METTL25: variants seen among roughly 807,000 people sequenced by gnomAD.
The protein encoded by METTL25 is methyltransferase like 25.
A neutral mutation model predicts 71.6 loss-of-function variants in METTL25; 64 were observed. The observed-to-expected ratio is 0.89, with a 90% CI of 0.73 to 1.10. The LOEUF is 1.10. Among genes scored for constraint, METTL25 ranks in the 50% least tolerant of loss-of-function variants. The pLI, the probability that METTL25 is intolerant of heterozygous loss-of-function variation, is 0.00. For synonymous variants in METTL25, 287 were observed against 250.3 expected, an observed-to-expected ratio of 1.15 and a Z score of -1.38; for missense variants, 807 against 707.0, an observed-to-expected ratio of 1.14 and a Z score of -1.60.
At chr12:82,403,683 A>C (rs1886835206) in intron 5 of METTL25, among the ~76,000 whole-genome samples, 1 of 152,232 alleles carries the variant, frequency 6.6e-6, no homozygotes, top group Non-Finnish European at 1.5e-5. Context: ...GCTGATGAGC[A>C]GAGTATGGAG....
At chr12:82,388,700 A>T (rs921526098) in intron 2 of METTL25, 1 of 152,138 alleles carries the variant, frequency 6.6e-6, no homozygotes, top group East Asian at 1.9e-4. Context: ...CCAGTACAAG[A>T]AAGAGTTGAC....
rs111865671 is a variant in METTL25 at position 82,362,206 on chromosome 12, A to G, written c.259+3382A>G. ...TCTTCTTCATTGTTCGTCTAAAAAG[A>G]ACTAGAATAAAATATTTAATTCTCT... On this transcript the variant is annotated intron_variant, in intron 1 of 11. Coordinates refer to ENST00000248306, the MANE Select transcript of METTL25 (RefSeq NM_032230.3). Among the ~76,000 whole-genome samples the G allele has an allele frequency of 3.9e-3, 594 of 152,326 alleles. 3 individuals carry two copies. Among genetic ancestry groups the G allele is most frequent in the African/African-American group, 0.014 (567 of 41,578 alleles).
intron 5 of METTL25, among the ~76,000 whole-genome samples, chr12:82,424,114 T>A (rs1228886490): frequency 6.6e-6 from 1 of 152,156 alleles, no homozygotes; most frequent in Admixed American, 6.5e-5. Context: ...CTACTCACAA[T>A]AGCAAAGACT....
chr12:82,444,119 T>C (rs1890566882), intron 8 of METTL25, among the ~76,000 whole-genome samples: 1 of 152,118 alleles, frequency 6.6e-6, no homozygotes, highest in Admixed American at 6.6e-5. Context: ...ATAAGACTAC[T>C]GTAAGACATA....
chr12:82,434,750 C>G, intron 7 of METTL25, 26 bp downstream of exon 7: 5 of 1,603,184 alleles, frequency 3.1e-6, no homozygotes, highest in Non-Finnish European at 4.3e-6. Context: ...AACTGATGAA[C>G]ACGACAGTTT....
At chr12:82,383,047 G>A (rs945636466) in intron 1 of METTL25, among the ~76,000 whole-genome samples, 1 of 152,030 alleles carries the variant, frequency 6.6e-6, no homozygotes, top group African/African-American at 2.4e-5. Flanking sequence ...TTGTGGAGAG[G>A]GAGGTGTAGA....
intron 9 of METTL25, among the ~76,000 whole-genome samples, chr12:82,463,555 A>C (rs1892036170): frequency 6.6e-6 from 1 of 151,996 alleles, no homozygotes. Flanking sequence ...AGGGATGCAG[A>C]TAGCTCTTTG....
At chr12:82,392,308 A>G (rs1205280995) in intron 3 of METTL25, among the ~76,000 whole-genome samples, 1 of 129,166 alleles carries the variant, frequency 7.7e-6, no homozygotes, top group East Asian at 2.3e-4. Flanking sequence ...TCCTGTGTCC[A>G]TGTTTTCTCA....
chr12:82,450,609 A>G (rs1318408453), intron 8 of METTL25, among the ~76,000 whole-genome samples: 1 of 152,098 alleles, frequency 6.6e-6, no homozygotes, highest in Non-Finnish European at 1.5e-5. Context: ...GCTTCTGTTT[A>G]CCTCAGAAGT....
At chr12:82,432,976 A>G (rs569094686) in intron 6 of METTL25, among the ~76,000 whole-genome samples, 1 of 151,702 alleles carries the variant, frequency 6.6e-6, no homozygotes, top group Admixed American at 6.6e-5. Flanking sequence ...GAGCAATATC[A>G]TTAGCATATG....
chr12:82,470,348 A>G (rs898654405), intron 9 of METTL25, among the ~76,000 whole-genome samples: 1 of 152,176 alleles, frequency 6.6e-6, no homozygotes, highest in African/African-American at 2.4e-5. Flanking sequence ...CTCTGGAAAT[A>G]TGATGCATTC....
chr12:82,399,404 C>A lies in METTL25; in HGVS notation c.1131+10C>A. On this transcript the variant is annotated intron_variant, in intron 4 of 11. Transcript: ENST00000248306. Reference sequence around the variant, plus strand: ...TATTAAAGATTTGGAGGTGACTTTACCTTTGAATTATTTAATTTGATTTAC... The same window carrying A: ...TATTAAAGATTTGGAGGTGACTTTAACTTTGAATTATTTAATTTGATTTAC... 6.5e-7 allele frequency: 1 copy of A among 1,539,650 alleles called. No homozygotes were observed. Among genetic ancestry groups the A allele is most frequent in the Admixed American group, 2.2e-5 (1 of 44,738 alleles).
chr12:82,425,176 TTTGGGCAAC>T (rs1888912830), intron 5 of METTL25, among the ~76,000 whole-genome samples: 1 of 152,012 alleles, frequency 6.6e-6, no homozygotes, highest in African/African-American at 2.4e-5. Flanking sequence ...ACAGACTAAT[TTTGGGCAAC>T]TTGGGCAATT....
chr12:82,434,673 G>C (rs373309056), intron 6 of METTL25, 22 bp from the exon 7 acceptor site: 4 of 1,606,004 alleles, frequency 2.5e-6, no homozygotes, highest in Non-Finnish European at 3.4e-6. Flanking sequence ...TCAACAATCT[G>C]TCTTGTTTTT....
chr12:82,438,592 T>C, intron 7 of METTL25, 126 bp from the exon 8 acceptor site: 1 of 452,426 alleles, frequency 2.2e-6, no homozygotes, highest in Non-Finnish European at 3.7e-6. Flanking sequence ...GGAAAAATTA[T>C]TAAGTCATCC....
chr12:82,393,525 C>T (rs975162570), intron 3 of METTL25, among the ~76,000 whole-genome samples: 3 of 151,706 alleles, frequency 2.0e-5, no homozygotes, highest in Non-Finnish European at 2.9e-5. Flanking sequence ...GTTTTTTGAT[C>T]GAGTCAGTTT....
At chr12:82,431,122 A>G (rs1889466091) in intron 6 of METTL25, 135 bp downstream of exon 6, 4 of 457,224 alleles carry the variant, frequency 8.7e-6, no homozygotes, top group Non-Finnish European at 1.6e-5. Flanking sequence ...TGGAAATTAT[A>G]AGAAAAAAAT....
At chr12:82,374,474 G>A (rs2136879672) in intron 1 of METTL25, among the ~76,000 whole-genome samples, 1 of 151,902 alleles carries the variant, frequency 6.6e-6, no homozygotes, top group East Asian at 1.9e-4. Flanking sequence ...TTACAGTCCT[G>A]TAGCTAGACA....
At chr12:82,431,948 G>C (rs1355050433) in intron 6 of METTL25, among the ~76,000 whole-genome samples, 1 of 151,564 alleles carries the variant, frequency 6.6e-6, no homozygotes, top group Non-Finnish European at 1.5e-5. Flanking sequence ...GTGAAAAATA[G>C]AATGGTTGTA....
Sources: gnomAD v4.1 joint callset for allele counts (sites outside exome capture counted in the v4.1 genomes callset) on GRCh38, gnomAD v4.1.1 for gene constraint, MANE v1.5 for transcripts, NCBI Gene and HGNC (gene_info 2026-07-23, HGNC 2026-07-21) for gene names.